The following TCAIM variants were observed in gnomAD, a reference collection of about 807,000 sequenced individuals.
TCAIM encodes the protein T-cell activation inhibitor, mitochondrial.
A neutral mutation model predicts 58.6 loss-of-function variants in TCAIM; 36 were observed. The observed-to-expected ratio is 0.61, with a 90% CI of 0.47 to 0.81. TCAIM has a LOEUF of 0.81. Among genes scored for constraint, TCAIM ranks in the 30% least tolerant of loss-of-function variants. TCAIM has a pLI of 0.00. For missense variants in TCAIM, 466 were observed against 579.6 expected (o/e 0.80, Z 2.01); for synonymous variants, 172 against 193.6 (o/e 0.89, Z 0.93).
chr3:44,348,152 A>G (rs1575235970), intron 1 of TCAIM, among the ~76,000 whole-genome samples: 1 of 152,214 alleles, frequency 6.6e-6, no homozygotes, highest in South Asian at 2.1e-4. Context: ...CAGGCCCTTG[A>G]AAAGAAGGTA....
intron 1 of TCAIM, among the ~76,000 whole-genome samples, chr3:44,341,963 G>A (rs1011293995): frequency 6.6e-6 from 1 of 152,066 alleles, no homozygotes; most frequent in South Asian, 2.1e-4. Flanking sequence ...CTAGCATTTT[G>A]TCTGTGTCTT....
chr3:44,372,797 T>A (rs1383843388), intron 5 of TCAIM, among the ~76,000 whole-genome samples: 1 of 152,046 alleles, frequency 6.6e-6, no homozygotes, highest in East Asian at 1.9e-4. Flanking sequence ...GGTTTCGCCG[T>A]GTTAGCCAGG....
chr3:44,371,311 G>C (rs1701466063), intron 5 of TCAIM, among the ~76,000 whole-genome samples: 2 of 152,106 alleles, frequency 1.3e-5, no homozygotes, highest in South Asian at 4.2e-4. Context: ...CCCTGCCTCA[G>C]CTTCCCAGAG....
chr3:44,397,444 A>G (rs1338381792), intron 8 of TCAIM, among the ~76,000 whole-genome samples: 2 of 152,178 alleles, frequency 1.3e-5, no homozygotes, highest in African/African-American at 4.8e-5. Context: ...AGATTCATCC[A>G]TGTGGTTGCA....
chr3:44,339,695 C>G (rs977665955), intron 1 of TCAIM: 2 of 152,190 alleles, frequency 1.3e-5, no homozygotes, highest in African/African-American at 4.8e-5. Context: ...AGGAAAGGCA[C>G]CATTTCCTTA....
intron 1 of TCAIM, among the ~76,000 whole-genome samples, chr3:44,341,590 T>G (rs985157419): frequency 6.6e-6 from 1 of 152,196 alleles, no homozygotes; most frequent in African/African-American, 2.4e-5. Flanking sequence ...TTCTGAGTTT[T>G]TCAACAAAGT....
At chr3:44,392,058 A>G (rs1319913576) in intron 5 of TCAIM, among the ~76,000 whole-genome samples, 1 of 152,226 alleles carries the variant, frequency 6.6e-6, no homozygotes, top group Non-Finnish European at 1.5e-5. Context: ...TGTAATAAAC[A>G]CACTTTGAAG....
At chr3:44,353,629 A>T (rs1323913468) in intron 1 of TCAIM, among the ~76,000 whole-genome samples, 1 of 152,078 alleles carries the variant, frequency 6.6e-6, no homozygotes, top group Admixed American at 6.5e-5. Context: ...ATTCTAATAG[A>T]TTTGCAGTGG....
intron 1 of TCAIM, among the ~76,000 whole-genome samples, chr3:44,354,025 G>T (rs1170965632): frequency 6.6e-6 from 1 of 152,076 alleles, no homozygotes; most frequent in Non-Finnish European, 1.5e-5. Flanking sequence ...TTTCTCTTTT[G>T]TTATCTTCTA....
At chr3:44,386,280 C>T (rs923255920) in intron 5 of TCAIM, among the ~76,000 whole-genome samples, 6 of 151,704 alleles carry the variant, frequency 4.0e-5, no homozygotes, top group East Asian at 1.9e-4. Context: ...CTCCTGAGGC[C>T]GAGTGGGAGG....
chr3:44,372,724 G>C (rs572621428), intron 5 of TCAIM, among the ~76,000 whole-genome samples: 110 of 151,970 alleles, frequency 7.2e-4, no homozygotes, highest in African/African-American at 2.5e-3. Context: ...CTCCCGAGTA[G>C]CTGGGACTAC....
At chr3:44,362,548 A>G in intron 4 of TCAIM, 1 of 398,968 alleles carries the variant, frequency 2.5e-6, no homozygotes, top group Non-Finnish European at 4.4e-6. Context: ...ATTTTCTCAT[A>G]ATTGAATATG....
intron 8 of TCAIM, 130 bp downstream of exon 8, chr3:44,396,964 G>A (rs1041047954): frequency 3.4e-5 from 26 of 774,050 alleles, no homozygotes; most frequent in African/African-American, 1.8e-4. Flanking sequence ...GTTTTTAATC[G>A]CAGTATCAGC....
chr3:44,382,671 A>G (rs1307045516), intron 5 of TCAIM, among the ~76,000 whole-genome samples: 2 of 152,214 alleles, frequency 1.3e-5, no homozygotes, highest in East Asian at 1.9e-4. Flanking sequence ...GATTCATGAC[A>G]TTGGATTTGC....
At chr3:44,362,689 G>T in intron 4 of TCAIM, 1 of 335,646 alleles carries the variant, frequency 3.0e-6, no homozygotes, top group African/African-American at 2.1e-5. Context: ...TTTTGTGAAG[G>T]AACAGGTATA....
intron 8 of TCAIM, among the ~76,000 whole-genome samples, chr3:44,397,757 A>C (rs1701956883): frequency 6.6e-6 from 1 of 152,212 alleles, no homozygotes; most frequent in Non-Finnish European, 1.5e-5. Flanking sequence ...TCTGTAGTAC[A>C]ATCTCATTCA....
chr3:44,401,998 A>G (rs1702028403), intron 10 of TCAIM, among the ~76,000 whole-genome samples: 1 of 152,170 alleles, frequency 6.6e-6, no homozygotes, highest in African/African-American at 2.4e-5. Flanking sequence ...ATGCCACTGC[A>G]CTCCAGCCTG....
intron 10 of TCAIM, among the ~76,000 whole-genome samples, chr3:44,403,179 G>A (rs1025749654): frequency 6.6e-6 from 1 of 152,152 alleles, no homozygotes; most frequent in Non-Finnish European, 1.5e-5. Flanking sequence ...TGAGACAGGA[G>A]AATCACTTGA....
At chr3:44,398,037 A>G (rs538721554) in intron 8 of TCAIM, among the ~76,000 whole-genome samples, 1 of 152,196 alleles carries the variant, frequency 6.6e-6, no homozygotes, top group South Asian at 2.1e-4. Context: ...AAAACAACTA[A>G]AAAGGGCTAC....
Sources: gnomAD v4.1 joint callset for allele counts (sites outside exome capture counted in the v4.1 genomes callset) on GRCh38, gnomAD v4.1.1 for gene constraint, MANE v1.5 for transcripts, NCBI Gene and HGNC (gene_info 2026-07-23, HGNC 2026-07-21) for gene names.